PRR16: variants seen among roughly 807,000 people sequenced by gnomAD.
The protein encoded by PRR16 is proline rich 16, also known as protein Largen.
In PRR16, 6 loss-of-function variants were observed where a neutral mutation model predicts 18.2. The ratio of observed to expected loss-of-function variants is 0.33; its 90% CI spans 0.18 to 0.65. The LOEUF (loss-of-function observed/expected upper bound fraction) is 0.65. Among genes scored for constraint, PRR16 ranks in the 30% least tolerant of loss-of-function variants. The probability of loss-of-function intolerance (pLI) is 0.74; values close to 1 mark genes in which losing one functional copy is unlikely to be tolerated. For synonymous variants in PRR16, 151 were observed against 147.8 expected, an observed-to-expected ratio of 1.02 and a Z score of -0.16; for missense variants, 412 against 376.6, an observed-to-expected ratio of 1.09 and a Z score of -0.78.
chr5:120,741,936 A>G, the PRR16 span, among the ~76,000 whole-genome samples: 2 of 152,074 alleles, frequency 1.3e-5, no homozygotes, highest in African/African-American at 4.8e-5. Context: ...AGATTTAGAA[A>G]GTTCTATTCT....
At chr5:120,568,825 T>G (rs1224267763) in intron 1 of PRR16, among the ~76,000 whole-genome samples, 1 of 152,124 alleles carries the variant, frequency 6.6e-6, no homozygotes, top group Non-Finnish European at 1.5e-5. Context: ...CAGAACCATC[T>G]GAGTAGAATT....
intron 1 of PRR16, among the ~76,000 whole-genome samples, chr5:120,531,956 A>G (rs1751564847): frequency 6.6e-6 from 1 of 152,198 alleles, no homozygotes; most frequent in Non-Finnish European, 1.5e-5. Context: ...CAACTTGTTA[A>G]TAGTTAATTA....
the PRR16 span, among the ~76,000 whole-genome samples, chr5:120,775,699 C>T: frequency 3.4e-5 from 5 of 148,366 alleles, no homozygotes; most frequent in Non-Finnish European, 5.9e-5. Flanking sequence ...GGCACATTCT[C>T]GGCTCATGGC....
chr5:120,685,904 T>C, intron 1 of PRR16, 50 bp from the exon 2 acceptor site: 1 of 1,531,684 alleles, frequency 6.5e-7, no homozygotes, highest in South Asian at 1.2e-5. Context: ...GTTTCTAGTA[T>C]ACTTTGTTTG....
intron 1 of PRR16, among the ~76,000 whole-genome samples, chr5:120,613,716 CA>C (rs1367838980): frequency 3.9e-5 from 6 of 152,088 alleles, no homozygotes; most frequent in Non-Finnish European, 8.8e-5. Flanking sequence ...TCCTTTAAGG[CA>C]CTAACACATC....
At chr5:120,544,586 A>G (rs1048500778) in intron 1 of PRR16, among the ~76,000 whole-genome samples, 9 of 152,258 alleles carry the variant, frequency 5.9e-5, no homozygotes, top group African/African-American at 2.2e-4. Flanking sequence ...ATATAATACA[A>G]TTGTGTTTTC....
chr5:120,699,335 C>G, the PRR16 span, among the ~76,000 whole-genome samples: 1 of 152,012 alleles, frequency 6.6e-6, no homozygotes, highest in African/African-American at 2.4e-5. Flanking sequence ...GTGGAACCGC[C>G]GTCAATAAAT....
At chr5:120,624,026 G>A (rs1362393076) in intron 1 of PRR16, among the ~76,000 whole-genome samples, 1 of 152,096 alleles carries the variant, frequency 6.6e-6, no homozygotes, top group Non-Finnish European at 1.5e-5. Context: ...GTTAAAAAAT[G>A]TTAATATGCA....
chr5:120,537,998 A>G (rs980396321), intron 1 of PRR16, among the ~76,000 whole-genome samples: 20 of 151,616 alleles, frequency 1.3e-4, no homozygotes, highest in South Asian at 6.2e-4. Context: ...GGATGGTCTC[A>G]ATCTCCTGAC....
intron 1 of PRR16, among the ~76,000 whole-genome samples, chr5:120,534,839 T>C (rs1307795082): frequency 6.6e-6 from 1 of 152,232 alleles, no homozygotes; most frequent in African/African-American, 2.4e-5. Flanking sequence ...TTAAGTCATG[T>C]AAGTACGTGT....
the PRR16 span, among the ~76,000 whole-genome samples, chr5:120,726,308 T>G: frequency 6.6e-6 from 1 of 152,204 alleles, no homozygotes; most frequent in East Asian, 1.9e-4. Flanking sequence ...AATTGCCCTT[T>G]TCCTCTGTAA....
intron 1 of PRR16, among the ~76,000 whole-genome samples, chr5:120,592,882 A>C (rs1292567477): frequency 1.3e-5 from 2 of 152,166 alleles, no homozygotes; most frequent in Non-Finnish European, 2.9e-5. Flanking sequence ...AGCATGAGAT[A>C]ATTGAAGTTA....
the PRR16 span, among the ~76,000 whole-genome samples, chr5:120,786,152 A>C: frequency 6.7e-6 from 1 of 149,706 alleles, no homozygotes; most frequent in African/African-American, 2.4e-5. Flanking sequence ...TTGTTTTATG[A>C]GTCACAAAAT....
intron 1 of PRR16, among the ~76,000 whole-genome samples, chr5:120,662,948 G>T (rs1756227002): frequency 6.6e-6 from 1 of 152,092 alleles, no homozygotes; most frequent in African/African-American, 2.4e-5. Context: ...CACATTCAGG[G>T]TTTATCATAG....
intron 1 of PRR16, among the ~76,000 whole-genome samples, chr5:120,605,982 G>A (rs1441525849): frequency 4.6e-5 from 7 of 152,126 alleles, no homozygotes; most frequent in African/African-American, 1.7e-4. Flanking sequence ...TGTTCAGGGG[G>A]CTGTGGGCAA....
intron 1 of PRR16, among the ~76,000 whole-genome samples, chr5:120,566,143 G>A (rs1335830811): frequency 6.6e-6 from 1 of 152,154 alleles, no homozygotes; most frequent in Non-Finnish European, 1.5e-5. Flanking sequence ...TATTTCCATA[G>A]TGAGTTCCTG....
At chr5:120,535,311 T>C (rs527813198) in intron 1 of PRR16, among the ~76,000 whole-genome samples, 2 of 152,248 alleles carry the variant, frequency 1.3e-5, no homozygotes, top group Non-Finnish European at 2.9e-5. Flanking sequence ...GGAATTCTTG[T>C]GTACCCAAAT....
At chr5:120,512,193 C>T (rs1291877482) in intron 1 of PRR16, among the ~76,000 whole-genome samples, 1 of 89,270 alleles carries the variant, frequency 1.1e-5, no homozygotes, top group African/African-American at 6.5e-5. Flanking sequence ...CCTCCAGATA[C>T]AGAGATAGCA....
chr5:120,566,470 A>G (rs1355869988), intron 1 of PRR16, among the ~76,000 whole-genome samples: 1 of 152,118 alleles, frequency 6.6e-6, no homozygotes, highest in Non-Finnish European at 1.5e-5. Context: ...GTTGAGCTTT[A>G]TGTATATTAT....
Sources: gnomAD v4.1 joint callset for allele counts (sites outside exome capture counted in the v4.1 genomes callset) on GRCh38, gnomAD v4.1.1 for gene constraint, MANE v1.5 for transcripts, NCBI Gene and HGNC (gene_info 2026-07-23, HGNC 2026-07-21) for gene names.